GPHN: variants seen among roughly 807,000 people sequenced by gnomAD.
The protein encoded by GPHN is gephyrin.
In GPHN, 17 loss-of-function variants were observed where a neutral mutation model predicts 95.5. That is an observed-to-expected ratio of 0.18 (90% CI 0.12 to 0.27). GPHN has a LOEUF of 0.27. GPHN is among the 10% of genes least tolerant of loss of function. The pLI, the probability that GPHN is intolerant of heterozygous loss-of-function variation, is 1.00. For synonymous variants in GPHN, 320 were observed against 322.5 expected (o/e 0.99, Z 0.08); for missense variants, 660 against 978.1 (o/e 0.67, Z 4.34).
At chr14:67,554,582 A>G in the GPHN span, among the ~76,000 whole-genome samples, 5 of 152,222 alleles carry the variant, frequency 3.3e-5, no homozygotes, top group African/African-American at 1.2e-4. Flanking sequence ...AGCGGGATGC[A>G]TGAATTTGCT....
intron 4 of GPHN, chr14:66,842,732 A>G (rs2062149032): frequency 6.7e-7 from 1 of 1,496,516 alleles, no homozygotes; most frequent in African/African-American, 1.4e-5. Context: ...CGAAGACTTC[A>G]ATCCCAGCCA....
intron 3 of GPHN, among the ~76,000 whole-genome samples, chr14:66,777,435 T>C (rs1018350542): frequency 6.6e-5 from 10 of 152,086 alleles, no homozygotes; most frequent in Non-Finnish European, 1.3e-4. Context: ...ACTATCCCAA[T>C]CAATAGAAAG....
At chr14:67,379,325 C>T in the GPHN span, among the ~76,000 whole-genome samples, 1 of 152,140 alleles carries the variant, frequency 6.6e-6, no homozygotes, top group Non-Finnish European at 1.5e-5. Context: ...ATTTTTTCTC[C>T]TTTTTCTAGT....
chr14:67,637,179 G>A, the GPHN span, among the ~76,000 whole-genome samples: 2 of 152,084 alleles, frequency 1.3e-5, no homozygotes, highest in African/African-American at 2.4e-5. Context: ...GGAGGCTGAA[G>A]TGGGAGGATC....
chr14:67,193,429 CTG>C, the GPHN span, among the ~76,000 whole-genome samples: 3 of 138,988 alleles, frequency 2.2e-5, no homozygotes, highest in African/African-American at 5.2e-5. Context: ...ATATTTATAT[CTG>C]TATATCTAGA....
chr14:67,209,121 T>C, the GPHN span, among the ~76,000 whole-genome samples: 4 of 152,224 alleles, frequency 2.6e-5, no homozygotes, highest in Non-Finnish European at 4.4e-5. Flanking sequence ...TAATTTTCAA[T>C]GGCAGAGTTT....
At chr14:67,722,400 T>C in the GPHN span, 2 of 591,476 alleles carry the variant, frequency 3.4e-6, no homozygotes, top group Non-Finnish European at 6.0e-6. Context: ...GCTTCAAACC[T>C]TGACTCCATC....
At chr14:66,560,522 C>A (rs190855632) in intron 1 of GPHN, among the ~76,000 whole-genome samples, 1 of 152,152 alleles carries the variant, frequency 6.6e-6, no homozygotes, top group Non-Finnish European at 1.5e-5. Context: ...GGAGTTCACT[C>A]ATGATTTGGC....
chr14:66,856,337 A>C (rs2153518637), intron 4 of GPHN, among the ~76,000 whole-genome samples: 1 of 152,246 alleles, frequency 6.6e-6, no homozygotes, highest in East Asian at 1.9e-4. Flanking sequence ...GAATTTGTAG[A>C]AAATTCATAT....
chr14:66,890,582 A>G (rs1391608585), intron 5 of GPHN, among the ~76,000 whole-genome samples: 1 of 152,188 alleles, frequency 6.6e-6, no homozygotes, highest in Non-Finnish European at 1.5e-5. Flanking sequence ...TCATTTTATG[A>G]ATGGCAGCAT....
Position 66,541,621 on chromosome 14 carries a change from T to C in GPHN, c.64+33030T>C, listed in dbSNP as rs116976867. Among the ~76,000 whole-genome samples, 281 of 152,334 alleles carry C rather than the reference T, an allele frequency of 1.8e-3. 6 individuals carry two copies. In the East Asian group the frequency reaches 0.052, roughly 28 times the overall value. On this transcript the variant is annotated intron_variant, in intron 1 of 22. Transcript: ENST00000478722. ...GATCTGCAGAGAAATGTGAAAGTGA[T>C]TTTGTACAAATGGTGGGATATGGCA...
chr14:67,369,070 A>G, the GPHN span, among the ~76,000 whole-genome samples: 1 of 152,356 alleles, frequency 6.6e-6, no homozygotes, highest in East Asian at 1.9e-4. Context: ...AATGTAAATC[A>G]AGTAAATATT....
At chr14:66,689,247 A>C (rs2067610091) in intron 2 of GPHN, among the ~76,000 whole-genome samples, 1 of 152,272 alleles carries the variant, frequency 6.6e-6, no homozygotes, top group South Asian at 2.1e-4. Context: ...TTTTATCAGG[A>C]AGGGATGTTG....
the GPHN span, chr14:67,473,993 C>T: frequency 1.3e-6 from 2 of 1,484,342 alleles, no homozygotes; most frequent in Non-Finnish European, 1.8e-6. This position sits in a 1 kb window ranked among gnomAD's most constrained non-coding sequence, Gnocchi z 6.5. Context: ...TGGCTCACGC[C>T]TATAATCCCT....
At chr14:67,123,927 G>A (rs2079148024) in intron 17 of GPHN, among the ~76,000 whole-genome samples, 1 of 152,096 alleles carries the variant, frequency 6.6e-6, no homozygotes, top group Non-Finnish European at 1.5e-5. Context: ...CTAAACCTTG[G>A]ACACAAGCAT....
At chr14:67,380,240 G>A in the GPHN span, among the ~76,000 whole-genome samples, 1 of 152,170 alleles carries the variant, frequency 6.6e-6, no homozygotes, top group Non-Finnish European at 1.5e-5. Context: ...TTTGCATGAA[G>A]CCCTTCCTGA....
chr14:67,263,831 C>T, the GPHN span, among the ~76,000 whole-genome samples: 4 of 145,320 alleles, frequency 2.8e-5, no homozygotes, highest in East Asian at 4.6e-4. Context: ...TCCATCACTG[C>T]TTACTCAACC....
At chr14:67,096,100 AAAATGACTC>A (rs1195004231) in intron 12 of GPHN, among the ~76,000 whole-genome samples, 1 of 152,120 alleles carries the variant, frequency 6.6e-6, no homozygotes, top group African/African-American at 2.4e-5. Context: ...AGAAATAAGA[AAAATGACTC>A]CTCTCTTGGT....
At chr14:66,989,674 C>T (rs1322437340) in intron 9 of GPHN, among the ~76,000 whole-genome samples, 1 of 139,248 alleles carries the variant, frequency 7.2e-6, no homozygotes, top group African/African-American at 2.7e-5. Flanking sequence ...AAAAAAAAAA[C>T]CTATCCAAAG....
Sources: gnomAD v4.1 joint callset for allele counts (sites outside exome capture counted in the v4.1 genomes callset) on GRCh38, gnomAD v4.1.1 for gene constraint, Gnocchi (gnomAD v3.1) non-coding constraint, MANE v1.5 for transcripts, NCBI Gene and HGNC (gene_info 2026-07-23, HGNC 2026-07-21) for gene names.